MPG: variants seen among roughly 807,000 people sequenced by gnomAD.
MPG encodes the protein DNA-3-methyladenine glycosylase.
In MPG, 33 loss-of-function variants were observed where a neutral mutation model predicts 31.7. That is an observed-to-expected ratio of 1.04 (90% CI 0.79 to 1.39). The LOEUF (loss-of-function observed/expected upper bound fraction) is 1.39. Ranked by LOEUF, MPG falls within the 40% of genes most tolerant of loss-of-function variation. MPG has a pLI of 0.00. For missense variants in MPG, 455 were observed against 415.5 expected (o/e 1.10, Z -0.83); for synonymous variants, 202 against 169.2 (o/e 1.19, Z -1.51).
chr16:82,850 G>A (rs901429925), intron 2 of MPG, among the ~76,000 whole-genome samples: 8 of 152,154 alleles, frequency 5.3e-5, no homozygotes, highest in African/African-American at 1.7e-4. Context: ...CAGGGCTGGA[G>A]GAGACAACTG....
intron 2 of MPG, among the ~76,000 whole-genome samples, chr16:81,882 A>AT (rs1898250719): frequency 8.6e-6 from 1 of 116,486 alleles, no homozygotes; most frequent in Admixed American, 8.8e-5. Flanking sequence ...CCACCACCCT[A>AT]CCTCCGGGAA....
chr16:83,214 A>G lies in MPG; in HGVS notation c.463A>G (p.Ile155Val). The G allele has an allele frequency of 6.2e-7, 1 of 1,613,074 alleles. No homozygotes were observed. The highest frequency in any genetic ancestry group is 8.5e-7 in the Non-Finnish European group (1 of 1,179,878). ...FMKPGTLYVYIIYGMYFCMNI... is the reference protein window; with the variant it reads ...FMKPGTLYVYVIYGMYFCMNI... ...GAAGCCGGGGACCCTGTACGTGTAC[A>G]TCATTTACGGCATGTACTTCTGCAT... Residue 155 changes from isoleucine (I) to valine (V), a missense_variant, in exon 3 of 4, where the codon ATC becomes GTC. Ile to Val is a conservative substitution (Grantham distance 29). Transcript: ENST00000356432.
In MPG at chr16:79,580, C is replaced by T. The variant is rs1275995289; in HGVS notation, c.180C>T (p.Pro60=). The T allele has an allele frequency of 2.5e-6, 4 of 1,611,552 alleles. No individual in the cohort carries two copies. The highest frequency in any genetic ancestry group is 3.4e-6 in the Non-Finnish European group (4 of 1,179,226). ...CCAGGGAGCGCTGCTTGGGACCGCC[C>T]ACCACTCCGGGCCCATACCGCAGCA... ...PCPRERCLGP[P]TTPGPYRSIY... The change falls in exon 2 of 4, where the codon CCC becomes CCT. Residue 60 remains proline, a synonymous_variant. Coordinates refer to ENST00000356432, the MANE Select transcript of MPG (RefSeq NM_001015052.3).
chr16:79,529 G>T lies in MPG; in HGVS notation c.129G>T (p.Ser43=), dbSNP rs139761076. ...CACCTGCAGAGCAGCCACACAGCTC[G>T]TCCGATGCAGCCCAGGCACCTTGCC... ...AQAPAEQPHS[S]SDAAQAPCPR... Residue 43 remains serine, a synonymous_variant, in exon 2 of 4, where the codon TCG becomes TCT. Transcript: ENST00000356432. 5 of 1,612,808 alleles carry T rather than the reference G, an allele frequency of 3.1e-6. No homozygotes were observed. The highest frequency in any genetic ancestry group is 2.2e-5 in the East Asian group (1 of 44,896).
rs547194615 is a variant in MPG, at chr16:83,329, G to A, written c.505+73G>A. The A allele has an allele frequency of 3.5e-6, 5 of 1,433,116 alleles. No individual in the cohort carries two copies. In the African/African-American group the frequency reaches 5.6e-5, roughly 16 times the overall value. The allele number at this position is 1,433,116 out of a possible 1,614,324, so 88.8% of individuals were successfully genotyped here. On this transcript the variant is annotated intron_variant, in intron 3 of 3. Coordinates refer to ENST00000356432, the MANE Select transcript of MPG (RefSeq NM_001015052.3). ...TCCGCTAGCAGCCAGGGGACCACTAGGAGGACTGAGGTGGGGCCAGCATTT... is the reference window on the plus strand; with the variant it reads ...TCCGCTAGCAGCCAGGGGACCACTAAGAGGACTGAGGTGGGGCCAGCATTT...
intron 2 of MPG, among the ~76,000 whole-genome samples, chr16:80,864 G>T (rs891039514): frequency 5.3e-5 from 8 of 152,206 alleles, no homozygotes; most frequent in African/African-American, 9.7e-5. Flanking sequence ...AGCACGTGTG[G>T]CAGGTGCGTC....
chr16:79,578 C>T lies in MPG; in HGVS notation c.178C>T (p.Pro60Ser). 1 of 1,611,574 alleles carries T rather than the reference C, an allele frequency of 6.2e-7. No individual in the cohort carries two copies. The highest frequency in any genetic ancestry group is 8.5e-7 in the Non-Finnish European group (1 of 1,179,320). ...PCPRERCLGP[P>S]TTPGPYRSIY... ...CCCCAGGGAGCGCTGCTTGGGACCG[C>T]CCACCACTCCGGGCCCATACCGCAG... Residue 60 changes from proline (P) to serine (S), a missense_variant, in exon 2 of 4, where the codon CCC becomes TCC. Pro to Ser is a moderately conservative substitution (Grantham distance 74). Transcript: ENST00000356432.
chr16:82,255 G>A (rs546158607), intron 2 of MPG, among the ~76,000 whole-genome samples: 2 of 147,958 alleles, frequency 1.4e-5, no homozygotes, highest in African/African-American at 2.5e-5. Flanking sequence ...ATGCTCCCCC[G>A]GCGAGCATCT....
At chr16:77,566 A>C (rs1002910347), upstream of MPG, among the ~76,000 whole-genome samples, 1 of 152,212 alleles carries the variant, frequency 6.6e-6, no homozygotes, top group African/African-American at 2.4e-5. Flanking sequence ...AGCAGGCCCA[A>C]CCCAGAACGT....
At chr16:78,123 C>T (rs1898137967), upstream of MPG, 2 of 366,750 alleles carry the variant, frequency 5.5e-6, no homozygotes, top group Non-Finnish European at 9.4e-6. Flanking sequence ...GGATCCACCT[C>T]CACGTGGCCC....
intron 1 of MPG, chr16:79,070 G>A (rs1898167247): frequency 2.1e-6 from 3 of 1,437,726 alleles, no homozygotes; most frequent in South Asian, 1.5e-5. Flanking sequence ...CTTGGGACCT[G>A]CATGATGAGT....
chr16:83,166 C>T lies in MPG; in HGVS notation c.415C>T (p.Pro139Ser), dbSNP rs759703427. Residue 139 changes from proline (P) to serine (S), a missense_variant, in exon 3 of 4, where the codon CCC (proline) becomes TCC (serine). Physicochemically the swap from Pro to Ser is moderately conservative, Grantham distance 74. Coordinates refer to ENST00000356432, the MANE Select transcript of MPG (RefSeq NM_001015052.3). ...AAHSRGGRQT[P>S]RNRGMFMKPG... is the part of the protein sequence containing the mutation. ...CCACTCAAGGGGTGGCCGGCAGACC[C>T]CCCGCAACCGAGGCATGTTCATGAA... is the stretch of plus-strand genomic sequence containing the variant. 3 of 1,613,268 alleles carry T rather than the reference C, an allele frequency of 1.9e-6. No individual in the cohort carries two copies. Among genetic ancestry groups the T allele is most frequent in the Non-Finnish European group, 2.5e-6 (3 of 1,179,982 alleles).
At position 85,630 on chromosome 16, in the gene MPG, G is replaced by C. The variant is rs778204018; in HGVS notation, c.735G>C (p.Glu245Asp). 22 of 1,595,914 alleles carry C rather than the reference G, an allele frequency of 1.4e-5. No homozygotes were observed. The highest frequency in any genetic ancestry group is 1.9e-5 in the Non-Finnish European group (22 of 1,167,052). Residue 245 changes from glutamate to aspartate, a missense_variant, in exon 4 of 4, where the codon GAG (glutamate) becomes GAC (aspartate). Physicochemically the swap from Glu to Asp is conservative, Grantham distance 45. Transcript: ENST00000356432. ...EAVWLERGPL[E>D]PSEPAVVAAA... Reference sequence around the variant, plus strand: ...TATGGCTGGAGCGTGGTCCCCTGGAGCCCAGTGAGCCGGCTGTAGTGGCAG... The same window carrying C: ...TATGGCTGGAGCGTGGTCCCCTGGACCCCAGTGAGCCGGCTGTAGTGGCAG...
Position 85,396 on chromosome 16 carries a change from C to A in MPG, c.506-5C>A. 1 of 1,598,320 alleles carries A rather than the reference C, an allele frequency of 6.3e-7. No individual in the cohort carries two copies. The highest frequency in any genetic ancestry group is 1.1e-5 in the South Asian group (1 of 90,042). ...GGCTCCACTTCCAAACTGTCCGTCC[C>A]ACAGGGGACGGGGCTTGCGTCTTGC... On this transcript the variant is annotated splice_polypyrimidine_tract_variant and splice_region_variant and intron_variant, in intron 3 of 3. Coordinates refer to ENST00000356432, the MANE Select transcript of MPG (RefSeq NM_001015052.3).
chr16:84,365 A>G (rs1046503676), intron 3 of MPG: 5 of 152,256 alleles, frequency 3.3e-5, no homozygotes, highest in Non-Finnish European at 7.3e-5. Context: ...GGCTTTGTCC[A>G]CTAGTGCTCG....
At chr16:81,510 C>T (rs1310825250) in intron 2 of MPG, among the ~76,000 whole-genome samples, 1 of 151,892 alleles carries the variant, frequency 6.6e-6, no homozygotes, top group Admixed American at 6.6e-5. Flanking sequence ...CCAAGCCTGG[C>T]CTGTTCACTT....
At chr16:78,045 C>A, upstream of MPG, 1 of 302,368 alleles carries the variant, frequency 3.3e-6, no homozygotes, top group Non-Finnish European at 6.1e-6. Context: ...CCCTTCCCCG[C>A]TCTCGCCTCG....
At chr16:79,292 G>A in intron 1 of MPG, 133 bp from the exon 2 acceptor site, 1 of 1,587,298 alleles carries the variant, frequency 6.3e-7, no homozygotes, top group Non-Finnish European at 8.6e-7. Flanking sequence ...CAACCCACAG[G>A]ATGGTCACCC....
At position 85,594 on chromosome 16, in the gene MPG, G is replaced by A. The variant is rs773244697; in HGVS notation, c.699G>A (p.Gln233=). 6.2e-7 allele frequency: 1 copy of A among 1,612,072 alleles called. No individual in the cohort carries two copies. The highest frequency in any genetic ancestry group is 1.3e-5 in the African/African-American group (1 of 74,912). Residue 233 remains glutamine, a synonymous_variant, in exon 4 of 4, where the codon CAG becomes CAA. Coordinates refer to ENST00000356432, the MANE Select transcript of MPG (RefSeq NM_001015052.3). ...NKSFDQRDLA[Q]DEAVWLERGP... ...GCTTTGACCAGAGGGACCTGGCACAGGATGAAGCTGTATGGCTGGAGCGTG... is the reference window on the plus strand; with the variant it reads ...GCTTTGACCAGAGGGACCTGGCACAAGATGAAGCTGTATGGCTGGAGCGTG...
Sources: allele counts gnomAD v4.1 joint callset (sites outside exome capture counted in the v4.1 genomes callset), GRCh38; gene constraint gnomAD v4.1.1; transcripts MANE v1.5; gene names NCBI Gene and HGNC (gene_info 2026-07-23, HGNC 2026-07-21).